SLC30A3: variants seen among roughly 807,000 people sequenced by gnomAD.
The protein encoded by SLC30A3 is probable proton-coupled zinc antiporter SLC30A3.
SLC30A3 carries 20 observed loss-of-function variants against 35.6 expected under a neutral mutation model. The observed-to-expected ratio is 0.56, with a 90% confidence interval of 0.39 to 0.82. SLC30A3 has a LOEUF of 0.82. Among genes scored for constraint, SLC30A3 ranks in the 40% least tolerant of loss-of-function variants. SLC30A3 has a pLI of 0.00. For synonymous variants in SLC30A3, 217 were observed against 224.7 expected (o/e 0.97, Z 0.31); for missense variants, 401 against 530.6 (o/e 0.76, Z 2.40).
Position 27,258,714 on chromosome 2 carries a change from A to G in SLC30A3, c.277+39T>C. On this transcript the variant is annotated intron_variant, in intron 2 of 7. Coordinates refer to ENST00000233535, the MANE Select transcript of SLC30A3 (RefSeq NM_003459.5). This position sits in a 1 kb window ranked among gnomAD's most constrained non-coding sequence, Gnocchi z 4.0. ...TGGGTGGAGAGTGGCTTGGGCAGGTATTTGGAGAATGGGGTTTAAGGGCTG... is the reference window on the plus strand; with the variant it reads ...TGGGTGGAGAGTGGCTTGGGCAGGTGTTTGGAGAATGGGGTTTAAGGGCTG... 6.2e-7 allele frequency: 1 copy of G among 1,607,266 alleles called. No homozygotes were observed. Among genetic ancestry groups the G allele is most frequent in the Non-Finnish European group, 8.5e-7 (1 of 1,174,606 alleles).
intron 1 of SLC30A3, among the ~76,000 whole-genome samples, chr2:27,261,286 G>T (rs1677169951): frequency 6.6e-6 from 1 of 152,182 alleles, no homozygotes; most frequent in African/African-American, 2.4e-5. Flanking sequence ...TTGCTGATGG[G>T]AGGAAGAGAG....
chr2:27,255,740 C>A lies in SLC30A3; in HGVS notation c.1019-280G>T. On this transcript the variant is annotated intron_variant, in intron 7 of 7. Coordinates refer to ENST00000233535, the MANE Select transcript of SLC30A3 (RefSeq NM_003459.5). This position sits in a 1 kb window ranked among gnomAD's most constrained non-coding sequence, Gnocchi z 5.2. ...GCTCAACATTTCAGCAGCCATACCA[C>A]CCGATTTCCCAGGACAATCCAGTTG... 1 of 420,616 alleles carries A rather than the reference C, an allele frequency of 2.4e-6. No homozygotes were observed. The highest frequency in any genetic ancestry group is 4.3e-6 in the Non-Finnish European group (1 of 233,312). The allele number at this position is 420,616 out of a possible 1,614,324, so 26.1% of individuals were successfully genotyped here.
upstream of SLC30A3, chr2:27,263,377 C>T (rs1233844745): frequency 2.2e-6 from 1 of 460,202 alleles, no homozygotes; most frequent in East Asian, 7.0e-5. Flanking sequence ...CTGTGCATGC[C>T]TGCGCGGGGG....
At chr2:27,267,683 C>G (rs948519875), upstream of SLC30A3, among the ~76,000 whole-genome samples, 4 of 152,104 alleles carry the variant, frequency 2.6e-5, no homozygotes, top group East Asian at 7.7e-4. Flanking sequence ...GCCTGTAATC[C>G]CAGCACTTTG....
intron 1 of SLC30A3, among the ~76,000 whole-genome samples, chr2:27,270,006 A>G (rs1052560288): frequency 7.2e-5 from 11 of 152,208 alleles, no homozygotes; most frequent in African/African-American, 2.7e-4. Flanking sequence ...AAATGAGAAG[A>G]TAGTTGGTGG....
In SLC30A3 at chr2:27,257,045, G is replaced by T; in HGVS notation, c.777+109C>A. The T allele has an allele frequency of 8.1e-7, 1 of 1,227,394 alleles. No homozygotes were observed. The highest frequency in any genetic ancestry group is 1.2e-5 in the South Asian group (1 of 82,162). 76.0% of individuals were successfully genotyped at this position (1,227,394 alleles called of 1,614,324 possible). A position where few individuals can be genotyped will look rare whatever the true frequency, so the allele number is the denominator to read the frequency against. On this transcript the variant is annotated intron_variant, in intron 5 of 7. Transcript: ENST00000233535. This position sits in a 1 kb window ranked among gnomAD's most constrained non-coding sequence, Gnocchi z 4.7. ...CATGTCTGGGAGAGTCCTGGGAGGT[G>T]GGAGGGAGGAGCTGGAGGGAGGAGG...
chr2:27,262,700 C>T lies in SLC30A3; in HGVS notation c.95+112G>A, dbSNP rs551301614. 1.9e-6 allele frequency: 2 copies of T among 1,059,194 alleles called. No individual in the cohort carries two copies. Among genetic ancestry groups the T allele is most frequent in the Non-Finnish European group, 2.6e-6 (2 of 771,578 alleles). 65.6% of individuals were successfully genotyped at this position (1,059,194 alleles called of 1,614,324 possible). ...AAGCGGGGTGCAGCGGAGCGAGGGA[C>T]CCGCGGTGCGCTGGGGCGGCCGCCG... is the stretch of plus-strand genomic sequence containing the variant. On this transcript the variant is annotated intron_variant, in intron 1 of 7. Coordinates refer to ENST00000233535, the MANE Select transcript of SLC30A3 (RefSeq NM_003459.5). This position sits in a 1 kb window ranked among gnomAD's most constrained non-coding sequence, Gnocchi z 7.5.
chr2:27,262,792 C>T lies in SLC30A3; in HGVS notation c.95+20G>A. 1 of 1,533,754 alleles carries T rather than the reference C, an allele frequency of 6.5e-7. No homozygotes were observed. Among genetic ancestry groups the T allele is most frequent in the Admixed American group, 2.2e-5 (1 of 45,044 alleles). ...TAGGGTGGCGCCCCCGGGCCGAGGGCCAGCCCAGGTCTGTCCTACCTCTTC... is the reference window on the plus strand; with the variant it reads ...TAGGGTGGCGCCCCCGGGCCGAGGGTCAGCCCAGGTCTGTCCTACCTCTTC... On this transcript the variant is annotated intron_variant, in intron 1 of 7. Transcript: ENST00000233535. This position sits in a 1 kb window ranked among gnomAD's most constrained non-coding sequence, Gnocchi z 7.5.
At chr2:27,256,712 GA>G in intron 6 of SLC30A3, 75 bp downstream of exon 6, 2 of 1,324,224 alleles carry the variant, frequency 1.5e-6, no homozygotes, top group Non-Finnish European at 2.1e-6. Context: ...TATCTTCAAA[GA>G]AAAAAGTGAT....
intron 1 of SLC30A3, among the ~76,000 whole-genome samples, chr2:27,268,843 A>G (rs1489382851): frequency 6.6e-6 from 1 of 152,172 alleles, no homozygotes; most frequent in Non-Finnish European, 1.5e-5. Context: ...ATCCTGTGTG[A>G]TGCTGTGAGC....
exon 1 of SLC30A3, chr2:27,275,271 C>A (rs1359123887): frequency 2.4e-6 from 3 of 1,248,790 alleles, no homozygotes; most frequent in African/African-American, 1.5e-5. Flanking sequence ...AAGAGGGGCT[C>A]GGTGGGAATC....
At chr2:27,261,598 G>A (rs1239074944) in intron 1 of SLC30A3, among the ~76,000 whole-genome samples, 1 of 152,164 alleles carries the variant, frequency 6.6e-6, no homozygotes, top group Non-Finnish European at 1.5e-5. Flanking sequence ...AAGGAAGCCT[G>A]GCTGTTGGTG....
Position 27,258,349 on chromosome 2 carries a change from T to A in SLC30A3, c.278-42A>T. On this transcript the variant is annotated intron_variant, in intron 2 of 7. Coordinates refer to ENST00000233535, the MANE Select transcript of SLC30A3 (RefSeq NM_003459.5). The surrounding 1 kb of genome is among the most constrained non-coding windows in gnomAD (Gnocchi z 4.0). ...ATGGAGTCTGCTTCCATTTAGAAAA[T>A]ATCATGTAGTGTGTATAGGCATGGA... The A allele has an allele frequency of 6.7e-7, 1 of 1,500,530 alleles. No individual in the cohort carries two copies. Among genetic ancestry groups the A allele is most frequent in the East Asian group, 2.3e-5 (1 of 43,556 alleles). 93.0% of individuals were successfully genotyped at this position (1,500,530 alleles called of 1,614,324 possible).
At chr2:27,270,943 C>G (rs1572492800) in intron 1 of SLC30A3, among the ~76,000 whole-genome samples, 1 of 152,246 alleles carries the variant, frequency 6.6e-6, no homozygotes. Context: ...CAGCTTTGGT[C>G]TGTCTGTAGA....
rs28390971 is a variant in SLC30A3, at chr2:27,257,125, A to G, written c.777+29T>C. The G allele has an allele frequency of 1.2e-3, 1,925 of 1,605,244 alleles. 15 individuals are homozygous for G. In the African/African-American group the frequency reaches 0.023, roughly 19 times the overall value. Reference sequence around the variant, plus strand: ...GGCTGGGATGTGGTTGTGGGGAGGAAGGCTGGGGCAGGTCTCCAATGATGG... The same window carrying G: ...GGCTGGGATGTGGTTGTGGGGAGGAGGGCTGGGGCAGGTCTCCAATGATGG... On this transcript the variant is annotated intron_variant, in intron 5 of 7. Coordinates refer to ENST00000233535, the MANE Select transcript of SLC30A3 (RefSeq NM_003459.5). The surrounding 1 kb of genome is among the most constrained non-coding windows in gnomAD (Gnocchi z 4.7).
rs1677280226 is a variant in SLC30A3 at position 27,262,762 on chromosome 2, G to A, written c.95+50C>T. 1 of 1,458,266 alleles carries A rather than the reference G, an allele frequency of 6.9e-7. No homozygotes were observed. Among genetic ancestry groups the A allele is most frequent in the Non-Finnish European group, 9.0e-7 (1 of 1,106,466 alleles). The allele number at this position is 1,458,266 out of a possible 1,614,324, so 90.3% of individuals were successfully genotyped here. ...GAGAGAGACAACGAAATGGACGGAGGGTAGTAGGGTGGCGCCCCCGGGCCG... is the reference window on the plus strand; with the variant it reads ...GAGAGAGACAACGAAATGGACGGAGAGTAGTAGGGTGGCGCCCCCGGGCCG... On this transcript the variant is annotated intron_variant, in intron 1 of 7. Coordinates refer to ENST00000233535, the MANE Select transcript of SLC30A3 (RefSeq NM_003459.5). This position sits in a 1 kb window ranked among gnomAD's most constrained non-coding sequence, Gnocchi z 7.5.
chr2:27,273,787 C>T (rs1265905608), intron 1 of SLC30A3, among the ~76,000 whole-genome samples: 1 of 149,484 alleles, frequency 6.7e-6, no homozygotes, highest in Admixed American at 6.7e-5. Context: ...TACTGATTTA[C>T]AAGTGCACCT....
Position 27,258,066 on chromosome 2 carries a change from T to TGG in SLC30A3, c.425-10_425-9dup. ...CCAAAGCCCCCAGAGTCTCTGCGGG[T>TGG]GGGGGGGGAGACAAGCTGTCAGAGA... is the stretch of plus-strand genomic sequence containing the variant. On this transcript the variant is annotated splice_polypyrimidine_tract_variant and intron_variant, in intron 3 of 7. Coordinates refer to ENST00000233535, the MANE Select transcript of SLC30A3 (RefSeq NM_003459.5). The surrounding 1 kb of genome is among the most constrained non-coding windows in gnomAD (Gnocchi z 4.0). 1 of 1,610,634 alleles carries TGG rather than the reference T, an allele frequency of 6.2e-7. No individual in the cohort carries two copies. The highest frequency in any genetic ancestry group is 8.5e-7 in the Non-Finnish European group (1 of 1,178,108).
chr2:27,262,961 G>A lies in SLC30A3; in HGVS notation c.-55C>T, dbSNP rs573367014. On this transcript the variant is annotated 5_prime_UTR_variant, in exon 1 of 8. Coordinates refer to ENST00000233535, the MANE Select transcript of SLC30A3 (RefSeq NM_003459.5). This position sits in a 1 kb window ranked among gnomAD's most constrained non-coding sequence, Gnocchi z 7.5. ...ACCGAGGAAGAGAGAGGCCGGGCCG[G>A]CCCCGCGCCAAGTCCGAGCAGCCCG... is the stretch of plus-strand genomic sequence containing the variant. 1,376 of 1,460,836 alleles carry A rather than the reference G, an allele frequency of 9.4e-4. 8 individuals carry two copies. In the African/African-American group the frequency reaches 0.019, roughly 20 times the overall value. 90.5% of individuals were successfully genotyped at this position (1,460,836 alleles called of 1,614,324 possible). A position where few individuals can be genotyped will look rare whatever the true frequency, so the allele number is the denominator to read the frequency against.
Sources: gnomAD v4.1 joint callset for allele counts (sites outside exome capture counted in the v4.1 genomes callset) on GRCh38, gnomAD v4.1.1 for gene constraint, Gnocchi (gnomAD v3.1) non-coding constraint, MANE v1.5 for transcripts, NCBI Gene and HGNC (gene_info 2026-07-23, HGNC 2026-07-21) for gene names.